The following PLK4 variants were observed in gnomAD, a reference collection of about 807,000 sequenced individuals.
The protein encoded by PLK4 is polo like kinase 4, also known as serine/threonine-protein kinase PLK4.
PLK4 carries 51 observed loss-of-function variants against 103.0 expected under a neutral mutation model. That is an observed-to-expected ratio of 0.50 (90% CI 0.40 to 0.63). The LOEUF (loss-of-function observed/expected upper bound fraction) is 0.63. Among genes scored for constraint, PLK4 ranks in the 20% least tolerant of loss-of-function variants. The pLI is 0.00. For missense variants in PLK4, 1,054 were observed against 1,151.0 expected (o/e 0.92, Z 1.22); for synonymous variants, 389 against 376.8 (o/e 1.03, Z -0.38).
At position 127,896,805 on chromosome 4, in the gene PLK4, C is replaced by A; in HGVS notation, c.2708C>A (p.Thr903Asn). ...VKNVGWATQL[T>N]SGAVWVQFND... ...CCATGCTTATTATTTTTCTAGTTAA[C>A]TAGTGGAGCTGTGTGGGTTCAGTTT... is the stretch of plus-strand genomic sequence containing the variant. The change falls in exon 15 of 16, where the codon ACT becomes AAT. Residue 903 changes from threonine (T) to asparagine (N), a missense_variant. Around this residue, in one of 4 missense-constraint regions of PLK4, gnomAD observed 167 missense variants for 200.7 expected, o/e 0.83. Coordinates refer to ENST00000270861, the MANE Select transcript of PLK4 (RefSeq NM_014264.5). 3 of 1,551,822 alleles carry A rather than the reference C, an allele frequency of 1.9e-6. No homozygotes were observed. Among genetic ancestry groups the A allele is most frequent in the Non-Finnish European group, 2.6e-6 (3 of 1,133,042 alleles).
At position 127,886,468 on chromosome 4, in the gene PLK4, A is replaced by G; in HGVS notation, c.1098A>G (p.Glu366=). 1 of 1,614,156 alleles carries G rather than the reference A, an allele frequency of 6.2e-7. No homozygotes were observed. Among genetic ancestry groups the G allele is most frequent in the Non-Finnish European group, 8.5e-7 (1 of 1,179,990 alleles). Residue 366 remains glutamate, a synonymous_variant, in exon 5 of 16, where the codon GAA becomes GAG. Transcript: ENST00000270861. ...GAAGAGTAATTCAAGATGCAGAAGAAAGGCCACATTCTCGATACCTTCGTA... is the reference window on the plus strand; with the variant it reads ...GAAGAGTAATTCAAGATGCAGAAGAGAGGCCACATTCTCGATACCTTCGTA... ...GRGRVIQDAE[E]RPHSRYLRRA...
At chr4:127,883,721 A>G (rs1735017670) in intron 4 of PLK4, among the ~76,000 whole-genome samples, 168 bp downstream of exon 4, 1 of 152,192 alleles carries the variant, frequency 6.6e-6, no homozygotes. Context: ...CTAATTCTTA[A>G]AACAATTCAA....
chr4:127,881,187 A>T (rs564153639), intron 1 of PLK4, 23 bp downstream of exon 1: 13 of 1,613,516 alleles, frequency 8.1e-6, no homozygotes, highest in Middle Eastern at 1.6e-4. Flanking sequence ...GGCAGTCTGC[A>T]GCGGGGCGGG....
At chr4:127,897,880 G>T (rs1217441553) in intron 15 of PLK4, among the ~76,000 whole-genome samples, 4 of 102,560 alleles carry the variant, frequency 3.9e-5, no homozygotes, top group Non-Finnish European at 5.2e-5. Flanking sequence ...TCGCTCTGTT[G>T]CCCAGGCTCG....
Position 127,890,140 on chromosome 4 carries a change from A to G in PLK4, c.1734A>G (p.Pro578=). The G allele has an allele frequency of 6.2e-7, 1 of 1,613,994 alleles. No individual in the cohort carries two copies. Among genetic ancestry groups the G allele is most frequent in the Non-Finnish European group, 8.5e-7 (1 of 1,179,848 alleles). The change falls in exon 7 of 16, where the codon CCA becomes CCG. Residue 578 remains proline (P), a synonymous_variant. Coordinates refer to ENST00000270861, the MANE Select transcript of PLK4 (RefSeq NM_014264.5). The part of the protein sequence containing the change: ...SEQSKTRGME[P]PWGYQNRTLR... ...AGAGCAAGACTAGGGGTATGGAGCC[A>G]CCATGGGGTTATCAGAATCGTACAT...
chr4:127,882,330 T>C (rs761929100), intron 2 of PLK4, among the ~76,000 whole-genome samples: 3 of 152,168 alleles, frequency 2.0e-5, no homozygotes, highest in Non-Finnish European at 4.4e-5. Context: ...AAATTAAGAA[T>C]TATTTGTCAG....
chr4:127,890,814 T>A (rs1235082256), intron 7 of PLK4, among the ~76,000 whole-genome samples: 1 of 152,140 alleles, frequency 6.6e-6, no homozygotes, highest in Non-Finnish European at 1.5e-5. Context: ...GGCTTGCTAT[T>A]ATCTTTTCAA....
At chr4:127,890,698 T>G (rs1257108905) in intron 7 of PLK4, among the ~76,000 whole-genome samples, 1 of 152,188 alleles carries the variant, frequency 6.6e-6, no homozygotes, top group Non-Finnish European at 1.5e-5. Flanking sequence ...GTTTAGAGTT[T>G]AAAAATTATT....
intron 15 of PLK4, among the ~76,000 whole-genome samples, chr4:127,897,535 G>C (rs1735614152): frequency 6.6e-6 from 1 of 152,180 alleles, no homozygotes; most frequent in South Asian, 2.1e-4. Flanking sequence ...TGTAATGGAA[G>C]TACTTGGGAC....
At chr4:127,881,685 T>G in intron 1 of PLK4, 146 bp from the exon 2 acceptor site, 1 of 632,184 alleles carries the variant, frequency 1.6e-6, no homozygotes, top group Non-Finnish European at 2.8e-6. Context: ...CCTTCCACCC[T>G]AGACACCTGC....
chr4:127,889,961 T>G lies in PLK4; in HGVS notation c.1555T>G (p.Trp519Gly), dbSNP rs1324528108. The G allele has an allele frequency of 1.9e-6, 3 of 1,614,096 alleles. No individual in the cohort carries two copies. Among genetic ancestry groups the G allele is most frequent in the Admixed American group, 3.3e-5 (2 of 60,016 alleles). The part of the protein sequence containing the change: ...DLQKDTSKNA[W>G]TDTKVKKNSD... ...GCAGAAGGACACATCAAAAAATGCC[T>G]GGACTGATACAAAAGTCAAAAAGAA... Residue 519 changes from tryptophan (W) to glycine (G), a missense_variant, in exon 7 of 16, where the codon TGG becomes GGG. Physicochemically the swap from Trp to Gly is radical, Grantham distance 184 (BLOSUM62 -2). Transcript: ENST00000270861.
intron 10 of PLK4, 140 bp downstream of exon 10, chr4:127,892,654 G>A (rs1735406371): frequency 5.1e-6 from 3 of 592,192 alleles, no homozygotes; most frequent in Admixed American, 3.6e-5. Context: ...GCACAGCGGA[G>A]TATACATGTC....
At chr4:127,897,612 CTTAAATAACTATGT>C (rs1282856624) in intron 15 of PLK4, among the ~76,000 whole-genome samples, 2 of 152,062 alleles carry the variant, frequency 1.3e-5, no homozygotes, top group Non-Finnish European at 2.9e-5. Context: ...AGTGCCATCA[CTTAAATAACTATGT>C]TTCAAGTGAG....
chr4:127,887,285 A>G, intron 5 of PLK4, 111 bp from the exon 6 acceptor site: 1 of 643,538 alleles, frequency 1.6e-6, no homozygotes, highest in Non-Finnish European at 2.8e-6. Flanking sequence ...TAGTTATTCT[A>G]AAATGTTCAG....
intron 4 of PLK4, among the ~76,000 whole-genome samples, chr4:127,884,971 A>G (rs973882814): frequency 6.6e-6 from 1 of 151,954 alleles, no homozygotes; most frequent in African/African-American, 2.4e-5. Flanking sequence ...TTACTTGGGA[A>G]AGTTTGGGAG....
At chr4:127,888,332 C>A (rs1299113693) in intron 6 of PLK4, among the ~76,000 whole-genome samples, 1 of 151,024 alleles carries the variant, frequency 6.6e-6, no homozygotes, top group Non-Finnish European at 1.5e-5. Flanking sequence ...GAGGAAGATA[C>A]TGTTATTATC....
intron 7 of PLK4, 48 bp downstream of exon 7, chr4:127,890,284 A>G: frequency 6.9e-7 from 1 of 1,455,548 alleles, no homozygotes; most frequent in Non-Finnish European, 9.3e-7. Context: ...TTACTTGAGA[A>G]TACAATTCTT....
At position 127,893,731 on chromosome 4, in the gene PLK4, C is replaced by T. The variant is rs1214775436; in HGVS notation, c.2415-3C>T. The T allele has an allele frequency of 6.2e-7, 1 of 1,605,786 alleles. No homozygotes were observed. Among genetic ancestry groups the T allele is most frequent in the Non-Finnish European group, 8.5e-7 (1 of 1,175,166 alleles). ...GGAATATATTTGGACTTTTCCCCTT[C>T]AGAAAACCTGGTAGTACTAGTTCAC... On this transcript the variant is annotated splice_region_variant and splice_polypyrimidine_tract_variant and intron_variant, in intron 12 of 15. Transcript: ENST00000270861.
rs13129689 is a variant in PLK4, at chr4:127,893,875, T to C, written c.2556T>C (p.Asn852=). Residue 852 remains asparagine, a synonymous_variant, in exon 13 of 16, where the codon AAT becomes AAC. Coordinates refer to ENST00000270861, the MANE Select transcript of PLK4 (RefSeq NM_014264.5). The part of the protein sequence containing the change: ...AASPTQAPIL[N]PSMVTNEGLG... The stretch of plus-strand genomic sequence containing the variant: ...CTCCAACACAGGCACCAATCCTTAA[T>C]CCCTCTGTAAGTAAATATATGTCAC... 0.014 allele frequency: 21,303 copies of C among 1,485,836 alleles called. 197 individuals carry two copies. Among genetic ancestry groups the C allele is most frequent in the Non-Finnish European group, 0.016 (17,044 of 1,064,322 alleles). The allele number at this position is 1,485,836 out of a possible 1,614,324, so 92.0% of individuals were successfully genotyped here.
Sources: allele counts gnomAD v4.1 joint callset (sites outside exome capture counted in the v4.1 genomes callset), GRCh38; gene constraint gnomAD v4.1.1; regional missense constraint gnomAD v4.1.1; transcripts MANE v1.5; gene names NCBI Gene and HGNC (gene_info 2026-07-23, HGNC 2026-07-21).